Variants in WBP1L observed in about 807,000 individuals in gnomAD.
WBP1L encodes the protein WW domain binding protein 1 like, also known as WW domain binding protein 1-like.
A neutral mutation model predicts 33.7 loss-of-function variants in WBP1L; 17 were observed. The ratio of observed to expected loss-of-function variants is 0.50; its 90% CI spans 0.34 to 0.76. The LOEUF is 0.76. Ranked by LOEUF, WBP1L falls within the 30% of genes least tolerant of loss-of-function variation. The pLI, the probability that WBP1L is intolerant of heterozygous loss-of-function variation, is 0.01. For missense variants in WBP1L, 389 were observed against 469.4 expected, an observed-to-expected ratio of 0.83 and a Z score of 1.58; for synonymous variants, 173 against 190.8, an observed-to-expected ratio of 0.91 and a Z score of 0.77.
intron 1 of WBP1L, among the ~76,000 whole-genome samples, chr10:102,772,462 T>A (rs1843201877): frequency 6.6e-6 from 1 of 151,020 alleles, no homozygotes; most frequent in South Asian, 2.1e-4. Flanking sequence ...GGTTTCCCCA[T>A]GTCGGTCAGG....
At chr10:102,752,052 T>C (rs1842929025) in intron 1 of WBP1L, among the ~76,000 whole-genome samples, 3 of 152,242 alleles carry the variant, frequency 2.0e-5, no homozygotes, top group Non-Finnish European at 4.4e-5. Context: ...TTCTTTATTC[T>C]GTTCTATGTC....
intron 1 of WBP1L, among the ~76,000 whole-genome samples, chr10:102,752,058 A>G (rs1366930746): frequency 1.3e-5 from 2 of 152,086 alleles, no homozygotes; most frequent in Admixed American, 1.3e-4. Context: ...ATTCTGTTCT[A>G]TGTCTGAATT....
In WBP1L at chr10:102,813,737, G is replaced by A. The variant is rs777616246; in HGVS notation, c.*406G>A. On this transcript the variant is annotated 3_prime_UTR_variant, in exon 4 of 4. Transcript: ENST00000448841. Reference sequence around the variant, plus strand: ...TGCTCTGATTCTAGTTTAAGAGAACGTTGCTGTATCTCAGTCCAGGAGAGG... The same window carrying A: ...TGCTCTGATTCTAGTTTAAGAGAACATTGCTGTATCTCAGTCCAGGAGAGG... 5.6e-5 allele frequency: 10 copies of A among 178,878 alleles called. No individual in the cohort carries two copies. The South Asian group carries it at 1.1e-3, about 20-fold the overall frequency. The allele number at this position is 178,878 out of a possible 1,614,324, so 11.1% of individuals were successfully genotyped here. A position where few individuals can be genotyped will look rare whatever the true frequency, so the allele number is the denominator to read the frequency against.
rs748055033 is a variant in WBP1L, at chr10:102,809,953, G to C, written c.254G>C (p.Arg85Pro). The change falls in exon 3 of 4, where the codon CGC becomes CCC. Residue 85 changes from arginine to proline, a missense_variant. Transcript: ENST00000448841. ...AGCTGCTGCTGTGTTTGCCACCACCGCCGAGCCAAGCACCGCCTTCAGGCC... is the reference window on the plus strand; with the variant it reads ...AGCTGCTGCTGTGTTTGCCACCACCCCCGAGCCAAGCACCGCCTTCAGGCC... ...ILSCCCVCHH[R>P]RAKHRLQAQQ... The C allele has an allele frequency of 6.2e-7, 1 of 1,613,840 alleles. No homozygotes were observed. The highest frequency in any genetic ancestry group is 1.1e-5 in the South Asian group (1 of 91,064).
At chr10:102,759,282 C>T (rs1025408143) in intron 1 of WBP1L, among the ~76,000 whole-genome samples, 1 of 152,226 alleles carries the variant, frequency 6.6e-6, no homozygotes, top group African/African-American at 2.4e-5. Context: ...TTCTAGGTCA[C>T]TTCTCACAAT....
chr10:102,757,590 T>TTTTG (rs1842991939), intron 1 of WBP1L, among the ~76,000 whole-genome samples: 1 of 148,850 alleles, frequency 6.7e-6, no homozygotes, highest in African/African-American at 2.5e-5. Flanking sequence ...TTTTTTTTTT[T>TTTTG]TTGTTGATAC....
rs1163963593 is a variant in WBP1L, at chr10:102,744,052, G to A, written c.-2G>A. 5.2e-6 allele frequency: 8 copies of A among 1,550,172 alleles called. No homozygotes were observed. The Admixed American group carries it at 5.9e-5, about 11-fold the overall frequency. On this transcript the variant is annotated 5_prime_UTR_variant, in exon 1 of 4. Transcript: ENST00000448841. ...TGGCGGAGGAGCAGGAGCAGGAGGG[G>A]GATGGAGAGGAGAAGGCTCCTGGGT...
At chr10:102,751,324 T>C (rs1246765538) in intron 1 of WBP1L, among the ~76,000 whole-genome samples, 2 of 145,050 alleles carry the variant, frequency 1.4e-5, no homozygotes, top group Non-Finnish European at 3.0e-5. Context: ...TTTCTTTCCT[T>C]TTTTTTTTTT....
chr10:102,782,261 T>C (rs1463606157), intron 1 of WBP1L, among the ~76,000 whole-genome samples: 1 of 143,936 alleles, frequency 6.9e-6, no homozygotes, highest in Non-Finnish European at 1.5e-5. Flanking sequence ...TTGTTTTTCA[T>C]TGCATCTCTG....
chr10:102,746,219 T>G (rs1358618774), intron 1 of WBP1L: 3 of 960,394 alleles, frequency 3.1e-6, no homozygotes, highest in Non-Finnish European at 3.7e-6. Flanking sequence ...ATATTCTAAT[T>G]GCAGTTTGCA....
At chr10:102,751,948 G>A (rs1165322637) in intron 1 of WBP1L, among the ~76,000 whole-genome samples, 1 of 152,238 alleles carries the variant, frequency 6.6e-6, no homozygotes, top group African/African-American at 2.4e-5. Flanking sequence ...CATTATTGCT[G>A]TTGGCAGTCC....
intron 1 of WBP1L, among the ~76,000 whole-genome samples, chr10:102,795,093 A>G (rs558036936): frequency 7.2e-5 from 11 of 152,292 alleles, no homozygotes; most frequent in East Asian, 1.9e-4. Flanking sequence ...TGGTGGTGCA[A>G]TTGATACATG....
At chr10:102,807,977 C>T (rs140026633) in intron 2 of WBP1L, among the ~76,000 whole-genome samples, 1,704 of 151,922 alleles carry the variant, frequency 0.011, 27 homozygotes, top group African/African-American at 0.039. Context: ...GAGGCTGAGA[C>T]GTGAGGATCT....
At chr10:102,772,453 G>C (rs1843201797) in intron 1 of WBP1L, among the ~76,000 whole-genome samples, 1 of 149,352 alleles carries the variant, frequency 6.7e-6, no homozygotes, top group Non-Finnish European at 1.5e-5. Flanking sequence ...TAGAGATGGG[G>C]TTTCCCCATG....
In WBP1L at chr10:102,754,506, C is replaced by T. The variant is rs190315634; in HGVS notation, c.90+10363C>T. Among the ~76,000 whole-genome samples, 289 of 152,222 alleles carry T rather than the reference C, an allele frequency of 1.9e-3. 3 individuals carry two copies. The highest frequency in any genetic ancestry group is 1.5e-3 in the Non-Finnish European group (103 of 68,008). ...CTCCGCCTCCCAGGTTCAAGCGATT[C>T]TCCTGCCTCAGCCTCCCGAGTGGCT... On this transcript the variant is annotated intron_variant, in intron 1 of 3. Transcript: ENST00000448841.
intron 1 of WBP1L, among the ~76,000 whole-genome samples, chr10:102,797,281 G>A (rs1843585713): frequency 6.6e-6 from 1 of 152,188 alleles, no homozygotes; most frequent in African/African-American, 2.4e-5. Context: ...ATTCCAGGAA[G>A]TTTCACAGAA....
At chr10:102,800,251 AGTTT>A (rs1843636948) in intron 2 of WBP1L, among the ~76,000 whole-genome samples, 2 of 152,236 alleles carry the variant, frequency 1.3e-5, no homozygotes, top group African/African-American at 4.8e-5. Flanking sequence ...ACAGAGCTGT[AGTTT>A]GTTTTTCTGG....
intron 1 of WBP1L, among the ~76,000 whole-genome samples, chr10:102,764,775 A>G (rs1843087606): frequency 6.6e-6 from 1 of 152,182 alleles, no homozygotes. Flanking sequence ...AGAGGACATA[A>G]TATTTGATTT....
chr10:102,808,164 A>G (rs888911620), intron 2 of WBP1L, among the ~76,000 whole-genome samples: 16 of 152,194 alleles, frequency 1.1e-4, no homozygotes, highest in African/African-American at 3.6e-4. Context: ...TGGGTGACAG[A>G]GCAAGACCCT....
Sources: gnomAD v4.1 joint callset for allele counts (sites outside exome capture counted in the v4.1 genomes callset) on GRCh38, gnomAD v4.1.1 for gene constraint, MANE v1.5 for transcripts, NCBI Gene and HGNC (gene_info 2026-07-23, HGNC 2026-07-21) for gene names.